The following HS6ST2 variants were observed in gnomAD, a reference collection of about 807,000 sequenced individuals.
HS6ST2 encodes the protein heparan sulfate 6-O-sulfotransferase 2.
HS6ST2 carries 17 observed loss-of-function variants against 33.0 expected under a neutral mutation model. That is an observed-to-expected ratio of 0.52 (90% CI 0.35 to 0.77). The LOEUF (loss-of-function observed/expected upper bound fraction) is 0.77. HS6ST2 is among the 30% of genes least tolerant of loss of function. HS6ST2 has a pLI of 0.01. For missense variants in HS6ST2, 519 were observed against 551.7 expected (o/e 0.94, Z 0.59); for synonymous variants, 248 against 237.1 (o/e 1.05, Z -0.42).
At chrX:132,896,732 T>C (rs2066380253) in intron 2 of HS6ST2, among the ~76,000 whole-genome samples, 1 of 111,357 alleles carries the variant, frequency 9.0e-6, no homozygotes, top group South Asian at 3.7e-4. Context: ...AAATTAAAAA[T>C]TAAACAGTGG....
At chrX:132,911,220 A>G (rs2066530941) in intron 2 of HS6ST2, among the ~76,000 whole-genome samples, 2 of 110,331 alleles carry the variant, frequency 1.8e-5, no homozygotes, top group Non-Finnish European at 3.8e-5. Context: ...TCATGGGCAC[A>G]TAAAAGACCA....
intron 3 of HS6ST2, among the ~76,000 whole-genome samples, chrX:132,671,034 A>G (rs189928475): frequency 8.9e-6 from 1 of 112,045 alleles, no homozygotes; most frequent in African/African-American, 3.2e-5. Context: ...CAGACTCACC[A>G]GAATGTGGCC....
chrX:132,827,160 A>G (rs746890398), intron 2 of HS6ST2, among the ~76,000 whole-genome samples: 1 of 111,518 alleles, frequency 9.0e-6, no homozygotes, highest in East Asian at 2.8e-4. Context: ...CCATCCATTT[A>G]CAAGGACCAT....
chrX:132,711,156 G>GA, intron 2 of HS6ST2, among the ~76,000 whole-genome samples: 1 of 112,011 alleles, frequency 8.9e-6, no homozygotes, highest in Middle Eastern at 4.6e-3. Flanking sequence ...GAAGGCAAAA[G>GA]ATGAAAATGA....
At chrX:132,818,234 G>A (rs1197179024) in intron 2 of HS6ST2, among the ~76,000 whole-genome samples, 4 of 111,058 alleles carry the variant, frequency 3.6e-5, no homozygotes, top group Non-Finnish European at 5.7e-5. Context: ...GCAAGAGAGC[G>A]GTTAAAAGCA....
chrX:132,870,498 C>T (rs777148724), intron 2 of HS6ST2, among the ~76,000 whole-genome samples: 3 of 111,482 alleles, frequency 2.7e-5, no homozygotes, highest in Non-Finnish European at 5.6e-5. Flanking sequence ...GGAGGCATCA[C>T]GCTACCTGAC....
chrX:132,849,509 T>C (rs770801286), intron 2 of HS6ST2, among the ~76,000 whole-genome samples: 8 of 111,840 alleles, frequency 7.2e-5, no homozygotes, highest in Non-Finnish European at 1.3e-4. Context: ...ACTGCAAACA[T>C]TAGCACAAAA....
intron 2 of HS6ST2, among the ~76,000 whole-genome samples, chrX:132,736,231 G>A (rs1266005757): frequency 1.8e-5 from 2 of 111,457 alleles, no homozygotes; most frequent in East Asian, 5.7e-4. Context: ...AGGTAAAGGG[G>A]TAAGAATTAT....
At chrX:132,794,618 T>C (rs768633056) in intron 2 of HS6ST2, among the ~76,000 whole-genome samples, 47 of 107,723 alleles carry the variant, frequency 4.4e-4, no homozygotes, top group African/African-American at 1.6e-3. Flanking sequence ...AGAGACTGGG[T>C]TTTGCCATGT....
At chrX:132,845,089 T>C (rs2065739502) in intron 2 of HS6ST2, among the ~76,000 whole-genome samples, 1 of 108,273 alleles carries the variant, frequency 9.2e-6, no homozygotes, top group Admixed American at 1.0e-4. Flanking sequence ...GTAGTTATAA[T>C]ATCTAATTAT....
chrX:132,684,224 C>CATAT lies in HS6ST2; in HGVS notation c.981-15029_981-15026dup, dbSNP rs764280543. Among the ~76,000 whole-genome samples, 505 of 94,506 alleles carry CATAT rather than the reference C, an allele frequency of 5.3e-3. 5 individuals are homozygous for CATAT. Among genetic ancestry groups the CATAT allele is most frequent in the South Asian group, 0.04 (82 of 2,043 alleles). 82.1% of individuals were successfully genotyped at this position (94,506 alleles called of 115,157 possible). A position where few individuals can be genotyped will look rare whatever the true frequency, so the allele number is the denominator to read the frequency against. On this transcript the variant is annotated intron_variant, in intron 3 of 4. Coordinates refer to ENST00000370833, the MANE Select transcript of HS6ST2 (RefSeq NM_001394073.1). ...TCCACAGGACAGTGTCATATATATA[C>CATAT]ATATATATATATATATATACACACA...
At chrX:132,669,531 C>G (rs73558198) in intron 3 of HS6ST2, 8,378 of 150,769 alleles carry the variant, frequency 0.056, 555 homozygotes, top group African/African-American at 0.21. Context: ...ATAAAAATAA[C>G]TAGTCTTTAA....
chrX:132,731,118 G>T (rs980551883), intron 2 of HS6ST2, among the ~76,000 whole-genome samples: 4 of 111,877 alleles, frequency 3.6e-5, no homozygotes, highest in Non-Finnish European at 7.5e-5. Flanking sequence ...AAACAGCTGG[G>T]ATGAGAACCC....
chrX:132,726,558 G>T (rs2064394073), intron 2 of HS6ST2, among the ~76,000 whole-genome samples: 1 of 111,856 alleles, frequency 8.9e-6, no homozygotes, highest in Non-Finnish European at 1.9e-5. Flanking sequence ...TATACAATGG[G>T]TTTTAGTATA....
In HS6ST2 at chrX:132,628,752, A is replaced by T; in HGVS notation, c.1409T>A (p.Phe470Tyr). The change falls in exon 5 of 5, where the codon TTC becomes TAC. Residue 470 changes from phenylalanine to tyrosine, a missense_variant. Phe to Tyr is a conservative substitution (Grantham distance 22). Coordinates refer to ENST00000370833, the MANE Select transcript of HS6ST2 (RefSeq NM_001394073.1). Reference protein sequence around the residue: ...SAKSNLKHMAFFGLTEFQRKT... With the variant: ...SAKSNLKHMAYFGLTEFQRKT... Reference sequence around the variant, plus strand: ...CCGCTGAAACTCAGTGAGGCCGAAGAACGCCATGTGCTTCAGATTTGACTT... The same window carrying T: ...CCGCTGAAACTCAGTGAGGCCGAAGTACGCCATGTGCTTCAGATTTGACTT... 8.3e-7 allele frequency: 1 copy of T among 1,211,885 alleles called. No homozygotes were observed. The highest frequency in any genetic ancestry group is 1.7e-5 in the African/African-American group (1 of 57,882).
intron 2 of HS6ST2, among the ~76,000 whole-genome samples, chrX:132,755,218 G>T (rs2064747557): frequency 8.9e-6 from 1 of 112,181 alleles, no homozygotes; most frequent in Non-Finnish European, 1.9e-5. Flanking sequence ...TTGGGTTATA[G>T]TCCAATAATA....
intron 2 of HS6ST2, among the ~76,000 whole-genome samples, chrX:132,754,651 C>T (rs756043445): frequency 5.5e-5 from 6 of 109,370 alleles, no homozygotes; most frequent in African/African-American, 1.0e-4. Context: ...TCTCTGACCT[C>T]ATGATCTGCC....
chrX:132,881,313 G>A (rs1310306175), intron 2 of HS6ST2, among the ~76,000 whole-genome samples: 10 of 110,564 alleles, frequency 9.0e-5, no homozygotes, highest in South Asian at 3.9e-4. Flanking sequence ...TTTAATGATC[G>A]CCATTCTAAC....
intron 3 of HS6ST2, among the ~76,000 whole-genome samples, chrX:132,701,507 T>C (rs999148530): frequency 8.9e-6 from 1 of 112,169 alleles, no homozygotes; most frequent in Admixed American, 9.5e-5. Context: ...ATAAGTGGAA[T>C]AGTAAGTGAC....
Sources: allele counts gnomAD v4.1 joint callset (sites outside exome capture counted in the v4.1 genomes callset), GRCh38; gene constraint gnomAD v4.1.1; transcripts MANE v1.5; gene names NCBI Gene and HGNC (gene_info 2026-07-23, HGNC 2026-07-21).